Variants in CTDSPL observed in about 807,000 individuals in gnomAD.
The protein encoded by CTDSPL is CTD small phosphatase like.
In CTDSPL, 8 loss-of-function variants were observed where a neutral mutation model predicts 30.5. That is an observed-to-expected ratio of 0.26 (90% CI 0.15 to 0.47). The LOEUF is 0.47. Among genes scored for constraint, CTDSPL ranks in the 20% least tolerant of loss-of-function variants. The pLI, the probability that CTDSPL is intolerant of heterozygous loss-of-function variation, is 0.99. For synonymous variants in CTDSPL, 110 were observed against 137.9 expected, an observed-to-expected ratio of 0.80 and a Z score of 1.42; for missense variants, 248 against 366.1, an observed-to-expected ratio of 0.68 and a Z score of 2.63.
intron 1 of CTDSPL, among the ~76,000 whole-genome samples, chr3:37,919,388 GA>G (rs1028318680): frequency 4.6e-5 from 7 of 152,132 alleles, no homozygotes; most frequent in African/African-American, 1.7e-4. Context: ...TCCCTTCTCA[GA>G]AAAACAGTAT....
chr3:37,969,313 C>G, intron 5 of CTDSPL: 1 of 469,612 alleles, frequency 2.1e-6, no homozygotes, highest in Non-Finnish European at 4.4e-6. Flanking sequence ...TGTGATATCA[C>G]AAGGTCCCAG....
intron 1 of CTDSPL, among the ~76,000 whole-genome samples, chr3:37,887,782 A>G (rs1157720546): frequency 2.6e-5 from 4 of 152,228 alleles, no homozygotes; most frequent in Non-Finnish European, 5.9e-5. Flanking sequence ...AAAGTTATCA[A>G]TTATCTCCTG....
In CTDSPL at chr3:37,981,834, C is replaced by T. The variant is rs1172654805; in HGVS notation, c.*967C>T. The T allele has an allele frequency of 1.5e-5, 7 of 457,246 alleles. No homozygotes were observed. The highest frequency in any genetic ancestry group is 2.6e-5 in the Non-Finnish European group (6 of 227,082). The allele number at this position is 457,246 out of a possible 1,614,324, so 28.3% of individuals were successfully genotyped here. A position where few individuals can be genotyped will look rare whatever the true frequency, so the allele number is the denominator to read the frequency against. ...CTTTCCTTTCCAAAAGCTGGATACACATGGAGCTGTTTGGGAATTTTCCTT... is the reference window on the plus strand; with the variant it reads ...CTTTCCTTTCCAAAAGCTGGATACATATGGAGCTGTTTGGGAATTTTCCTT... On this transcript the variant is annotated 3_prime_UTR_variant, in exon 8 of 8. Coordinates refer to ENST00000273179, the MANE Select transcript of CTDSPL (RefSeq NM_001008392.2).
intron 1 of CTDSPL, among the ~76,000 whole-genome samples, chr3:37,906,595 A>G (rs1476055271): frequency 6.6e-6 from 1 of 152,160 alleles, no homozygotes. Flanking sequence ...TGGTTCCCCA[A>G]GGTCATGGGA....
At chr3:37,884,706 C>T (rs1363158550) in intron 1 of CTDSPL, among the ~76,000 whole-genome samples, 1 of 152,018 alleles carries the variant, frequency 6.6e-6, no homozygotes, top group Non-Finnish European at 1.5e-5. Context: ...ACAGAAGTTA[C>T]CCTTAAAGGG....
intron 1 of CTDSPL, among the ~76,000 whole-genome samples, chr3:37,945,553 C>T (rs1302177879): frequency 6.6e-6 from 1 of 152,220 alleles, no homozygotes; most frequent in Non-Finnish European, 1.5e-5. Flanking sequence ...CACACTGCCA[C>T]TTAGGTGGCC....
intron 1 of CTDSPL, among the ~76,000 whole-genome samples, chr3:37,898,854 A>G (rs542755837): frequency 2.6e-5 from 4 of 152,192 alleles, no homozygotes; most frequent in African/African-American, 9.6e-5. Flanking sequence ...GCCTAGTTTT[A>G]TGTGTGGTCA....
chr3:37,904,699 G>A (rs1008324067), intron 1 of CTDSPL, among the ~76,000 whole-genome samples: 4 of 152,138 alleles, frequency 2.6e-5, no homozygotes, highest in African/African-American at 9.7e-5. Context: ...CGTATGAGTG[G>A]CCAGGAGTCC....
rs534598159 is a variant in CTDSPL, at chr3:37,921,700, C to T, written c.80-25357C>T. ...TTGTGCTGATATTGAACTATTATGA[C>T]TCTTTGAGGTCTATGAGGCTTCATC... On this transcript the variant is annotated intron_variant, in intron 1 of 7. Transcript: ENST00000273179. Among the ~76,000 whole-genome samples, 4 of 152,124 alleles carry T rather than the reference C, an allele frequency of 2.6e-5. No homozygotes were observed. The South Asian group carries it at 8.3e-4, about 32-fold the overall frequency.
At chr3:37,908,850 A>G (rs760141498) in intron 1 of CTDSPL, among the ~76,000 whole-genome samples, 18 of 152,160 alleles carry the variant, frequency 1.2e-4, no homozygotes, top group Non-Finnish European at 1.9e-4. Context: ...CATTTCTTTG[A>G]TTAATAGTGA....
chr3:37,865,806 C>A (rs1191185823), intron 1 of CTDSPL, among the ~76,000 whole-genome samples: 2 of 152,060 alleles, frequency 1.3e-5, no homozygotes, highest in Non-Finnish European at 2.9e-5. Flanking sequence ...AGCAGAAACG[C>A]AAAAACATTC....
At chr3:37,883,556 A>G (rs920631555) in intron 1 of CTDSPL, among the ~76,000 whole-genome samples, 8 of 152,168 alleles carry the variant, frequency 5.3e-5, no homozygotes, top group Non-Finnish European at 8.8e-5. Context: ...TTGGCCTGTG[A>G]TTTTCCTCTC....
chr3:37,959,000 G>A (rs1178532532), intron 3 of CTDSPL, among the ~76,000 whole-genome samples: 3 of 152,180 alleles, frequency 2.0e-5, no homozygotes, highest in Non-Finnish European at 4.4e-5. Context: ...GCGTGGTTCT[G>A]GCCTTTCTGG....
At chr3:37,907,187 A>C (rs1253631425) in intron 1 of CTDSPL, among the ~76,000 whole-genome samples, 1 of 152,228 alleles carries the variant, frequency 6.6e-6, no homozygotes, top group East Asian at 1.9e-4. Context: ...AAATCATGCC[A>C]TCAAACTGCA....
intron 2 of CTDSPL, 37 bp from the exon 3 acceptor site, chr3:37,957,074 C>G: frequency 6.3e-7 from 1 of 1,575,284 alleles, no homozygotes; most frequent in Non-Finnish European, 8.7e-7. Context: ...ATCTTCTCTT[C>G]GAACCTGACA....
At chr3:37,884,589 G>C (rs1698243491) in intron 1 of CTDSPL, among the ~76,000 whole-genome samples, 1 of 152,162 alleles carries the variant, frequency 6.6e-6, no homozygotes, top group Non-Finnish European at 1.5e-5. Flanking sequence ...AAGCATTTTT[G>C]TTGCCTCCTG....
intron 1 of CTDSPL, among the ~76,000 whole-genome samples, chr3:37,877,139 A>C (rs1287523603): frequency 6.6e-6 from 1 of 151,944 alleles, no homozygotes; most frequent in African/African-American, 2.4e-5. Flanking sequence ...CGTCTTAACT[A>C]CTTTTAAGTA....
At position 37,951,461 on chromosome 3, in the gene CTDSPL, A is replaced by G. The variant is rs1376829343; in HGVS notation, c.234+4250A>G. 1.3e-5 allele frequency among the ~76,000 whole-genome samples: 2 copies of G among 152,202 alleles called. 1 individual carries two copies. The highest frequency in any genetic ancestry group is 2.9e-5 in the Non-Finnish European group (2 of 68,032). ...GAGGCTAAGGCAGGAGGATCACTTC[A>G]GCCCAGAAGTTTGAGACCAGCCTGG... On this transcript the variant is annotated intron_variant, in intron 2 of 7. Transcript: ENST00000273179.
intron 6 of CTDSPL, among the ~76,000 whole-genome samples, chr3:37,972,661 T>C (rs1341357403): frequency 6.6e-6 from 1 of 152,216 alleles, no homozygotes; most frequent in Non-Finnish European, 1.5e-5. Flanking sequence ...CCTCCCAGTA[T>C]GGTTTAGTCT....
Sources: allele counts gnomAD v4.1 joint callset (sites outside exome capture counted in the v4.1 genomes callset), GRCh38; gene constraint gnomAD v4.1.1; transcripts MANE v1.5; gene names NCBI Gene and HGNC (gene_info 2026-07-23, HGNC 2026-07-21).